EVI5: variants seen among roughly 807,000 people sequenced by gnomAD.
EVI5 encodes the protein ecotropic viral integration site 5.
EVI5 carries 73 observed loss-of-function variants against 112.0 expected under a neutral mutation model. The observed-to-expected ratio is 0.65, with a 90% CI of 0.54 to 0.79. The LOEUF is 0.79. Among genes scored for constraint, EVI5 ranks in the 30% least tolerant of loss-of-function variants. The pLI is 0.00. For synonymous variants in EVI5, 305 were observed against 319.9 expected, an observed-to-expected ratio of 0.95 and a Z score of 0.50; for missense variants, 900 against 968.8, an observed-to-expected ratio of 0.93 and a Z score of 0.94.
chr1:92,585,763 C>T (rs1672678561), intron 18 of EVI5, among the ~76,000 whole-genome samples: 1 of 152,050 alleles, frequency 6.6e-6, no homozygotes, highest in Non-Finnish European at 1.5e-5. Flanking sequence ...TAGTGTGGTA[C>T]CTTTGTTACA....
intron 1 of EVI5, among the ~76,000 whole-genome samples, chr1:92,745,062 C>T (rs1046333754): frequency 2.0e-5 from 3 of 151,356 alleles, no homozygotes; most frequent in African/African-American, 4.9e-5. Context: ...TCCTGAGTAG[C>T]TGGGACCACA....
At chr1:92,613,936 C>G (rs2101666597) in intron 16 of EVI5, among the ~76,000 whole-genome samples, 1 of 152,258 alleles carries the variant, frequency 6.6e-6, no homozygotes, top group African/African-American at 2.4e-5. Context: ...TGTTGCCCCT[C>G]CAACTCTTCT....
At chr1:92,594,551 C>A (rs1225042899) in intron 18 of EVI5, among the ~76,000 whole-genome samples, 2 of 150,346 alleles carry the variant, frequency 1.3e-5, no homozygotes, top group African/African-American at 2.5e-5. Flanking sequence ...GCAACAAAAG[C>A]CAAAATTGAC....
In EVI5 at chr1:92,598,998, T is replaced by C. The variant is rs1452045322; in HGVS notation, c.2070+6309A>G. On this transcript the variant is annotated intron_variant, in intron 18 of 19. Transcript: ENST00000684568. Reference sequence around the variant, plus strand: ...TTAGACCTAAAAGTTCTAAGTAGACTGAATAATCTTTGAAAATAAATTTAA... The same window carrying C: ...TTAGACCTAAAAGTTCTAAGTAGACCGAATAATCTTTGAAAATAAATTTAA... 4.6e-5 allele frequency among the ~76,000 whole-genome samples: 7 copies of C among 152,080 alleles called. No homozygotes were observed. In the East Asian group the frequency reaches 1.3e-3, roughly 29 times the overall value.
At chr1:92,739,422 A>G (rs1028207830) in intron 1 of EVI5, among the ~76,000 whole-genome samples, 1 of 152,276 alleles carries the variant, frequency 6.6e-6, no homozygotes, top group Non-Finnish European at 1.5e-5. Flanking sequence ...GTAGATCAGT[A>G]ATTTCCAGGG....
intron 18 of EVI5, among the ~76,000 whole-genome samples, chr1:92,570,286 G>A: frequency 6.6e-6 from 1 of 152,090 alleles, no homozygotes; most frequent in East Asian, 1.9e-4. Flanking sequence ...ATGCTCAGCT[G>A]TCCTTTTAGG....
Position 92,508,892 on chromosome 1 carries a change from A to G in EVI5, c.*4764T>C, listed in dbSNP as rs201910360. On this transcript the variant is annotated 3_prime_UTR_variant, in exon 20 of 20. Transcript: ENST00000684568. ...AAAGAAGGGATAGGCAGATCAATGGATGTGATGTAAAAACTTGGATCATAA... is the reference window on the plus strand; with the variant it reads ...AAAGAAGGGATAGGCAGATCAATGGGTGTGATGTAAAAACTTGGATCATAA... 6.6e-6 allele frequency: 1 copy of G among 152,236 alleles called. No homozygotes were observed. The highest frequency in any genetic ancestry group is 1.5e-5 in the Non-Finnish European group (1 of 68,024). 9.4% of individuals were successfully genotyped at this position (152,236 alleles called of 1,614,324 possible).
At chr1:92,764,874 A>G (rs1387416409) in intron 1 of EVI5, among the ~76,000 whole-genome samples, 4 of 152,186 alleles carry the variant, frequency 2.6e-5, no homozygotes, top group African/African-American at 7.2e-5. Flanking sequence ...TGTATCCGAA[A>G]TAAGTTTCCT....
At chr1:92,567,889 A>AT (rs1200140679) in intron 18 of EVI5, among the ~76,000 whole-genome samples, 1 of 152,138 alleles carries the variant, frequency 6.6e-6, no homozygotes, top group African/African-American at 2.4e-5. Context: ...ATTTAGGAAA[A>AT]ATATATATTA....
chr1:92,600,202 G>C (rs1648822842), intron 18 of EVI5, among the ~76,000 whole-genome samples: 1 of 152,152 alleles, frequency 6.6e-6, no homozygotes, highest in Non-Finnish European at 1.5e-5. Flanking sequence ...AAACTGAGAA[G>C]CTGGGAAAAC....
chr1:92,556,073 T>G (rs1172904710), intron 19 of EVI5, among the ~76,000 whole-genome samples: 14 of 151,288 alleles, frequency 9.3e-5, no homozygotes, highest in Admixed American at 3.9e-4. Flanking sequence ...TTCTTTTTTT[T>G]TTTTTTCTGA....
At chr1:92,625,748 C>T (rs779838452) in intron 15 of EVI5, 46 bp downstream of exon 15, 19 of 1,562,060 alleles carry the variant, frequency 1.2e-5, no homozygotes, top group Middle Eastern at 1.7e-4. Context: ...TTGGATATTT[C>T]GGTTTTACTC....
intron 18 of EVI5, among the ~76,000 whole-genome samples, chr1:92,596,957 T>C: frequency 6.6e-6 from 1 of 152,202 alleles, no homozygotes; most frequent in Non-Finnish European, 1.5e-5. Flanking sequence ...CCGGATATTA[T>C]GTAGGCAAGA....
intron 3 of EVI5, among the ~76,000 whole-genome samples, 158 bp downstream of exon 3, chr1:92,704,395 TAA>T: frequency 6.6e-6 from 1 of 152,302 alleles, no homozygotes; most frequent in East Asian, 1.9e-4. Flanking sequence ...GTCTACAAAT[TAA>T]AACTTTTAGG....
upstream of EVI5, chr1:92,792,409 A>AC (rs762911791): frequency 1.1e-5 from 17 of 1,603,044 alleles, 1 homozygote; most frequent in East Asian, 4.5e-5. Flanking sequence ...AGCAGAGAAG[A>AC]CAGAGAGACT....
intron 2 of EVI5, among the ~76,000 whole-genome samples, chr1:92,713,011 C>A (rs1673072653): frequency 6.6e-6 from 1 of 151,596 alleles, no homozygotes; most frequent in Non-Finnish European, 1.5e-5. Context: ...TGGTCTCAAA[C>A]TCCTGGGCTT....
At chr1:92,605,744 G>C (rs1047802268) in intron 17 of EVI5, among the ~76,000 whole-genome samples, 4 of 152,058 alleles carry the variant, frequency 2.6e-5, no homozygotes, top group African/African-American at 7.2e-5. Flanking sequence ...TCAACTTTAA[G>C]TGAGAACATT....
intron 5 of EVI5, 58 bp from the exon 6 acceptor site, chr1:92,698,043 C>A: frequency 6.6e-7 from 1 of 1,503,924 alleles, no homozygotes; most frequent in South Asian, 1.2e-5. Flanking sequence ...ACAAATAAAC[C>A]AATGATATTT....
chr1:92,790,737 T>G (rs2103160879), intron 1 of EVI5, among the ~76,000 whole-genome samples: 1 of 151,832 alleles, frequency 6.6e-6, no homozygotes, highest in Middle Eastern at 3.4e-3. Flanking sequence ...GAAGATCACT[T>G]GAGCCCAGGA....
Sources: gnomAD v4.1 joint callset for allele counts (sites outside exome capture counted in the v4.1 genomes callset) on GRCh38, gnomAD v4.1.1 for gene constraint, MANE v1.5 for transcripts, NCBI Gene and HGNC (gene_info 2026-07-23, HGNC 2026-07-21) for gene names.